PRORP: variants seen among roughly 807,000 people sequenced by gnomAD.
PRORP encodes the protein protein only RNase P catalytic subunit.
PRORP carries 51 observed loss-of-function variants against 59.4 expected under a neutral mutation model. The observed-to-expected ratio is 0.86, with a 90% CI of 0.69 to 1.08. PRORP has a LOEUF of 1.08. Among genes scored for constraint, PRORP ranks in the 50% least tolerant of loss-of-function variants. The pLI, the probability that PRORP is intolerant of heterozygous loss-of-function variation, is 0.00. For synonymous variants in PRORP, 231 were observed against 245.6 expected (o/e 0.94, Z 0.55); for missense variants, 646 against 690.3 (o/e 0.94, Z 0.72).
At chr14:35,231,097 A>G (rs1275240102) in intron 5 of PRORP, among the ~76,000 whole-genome samples, 3 of 152,118 alleles carry the variant, frequency 2.0e-5, no homozygotes, top group African/African-American at 4.8e-5. Flanking sequence ...TTTTTATTGA[A>G]TATCATTTGG....
intron 5 of PRORP, among the ~76,000 whole-genome samples, chr14:35,235,019 C>T (rs2050174046): frequency 1.3e-5 from 2 of 152,060 alleles, no homozygotes; most frequent in Non-Finnish European, 1.5e-5. Flanking sequence ...ATGCTTTAAT[C>T]CTGCAACTTA....
At chr14:35,262,478 A>G in intron 5 of PRORP, 5 of 501,382 alleles carry the variant, frequency 1.0e-5, no homozygotes, top group South Asian at 7.8e-5. Context: ...ATTCTCAGCA[A>G]CCAGACTGTC....
chr14:35,269,357 T>C (rs113834898), intron 6 of PRORP, among the ~76,000 whole-genome samples: 7,423 of 152,302 alleles, frequency 0.049, 263 homozygotes, highest in African/African-American at 0.098. Context: ...TGTTGGAAAG[T>C]GGTCTCACTG....
At chr14:35,211,946 C>G (rs1179366682) in intron 5 of PRORP, among the ~76,000 whole-genome samples, 1 of 152,208 alleles carries the variant, frequency 6.6e-6, no homozygotes, top group Non-Finnish European at 1.5e-5. Context: ...AGTCAATCCT[C>G]TTAAACCCTT....
At chr14:35,186,772 A>T (rs1262316128) in intron 5 of PRORP, among the ~76,000 whole-genome samples, 1 of 151,370 alleles carries the variant, frequency 6.6e-6, no homozygotes, top group Non-Finnish European at 1.5e-5. Flanking sequence ...TATTATTATT[A>T]TTATTATTTT....
intron 2 of PRORP, 28 bp from the exon 3 acceptor site, chr14:35,126,707 A>C: frequency 6.4e-7 from 1 of 1,571,894 alleles, no homozygotes; most frequent in Non-Finnish European, 8.7e-7. Context: ...TAACCTTCTC[A>C]TGATTTGGTT....
At chr14:35,248,770 CTA>C (rs543920059) in intron 5 of PRORP, among the ~76,000 whole-genome samples, 113 of 152,338 alleles carry the variant, frequency 7.4e-4, no homozygotes, top group African/African-American at 2.5e-3. Context: ...CAGTGTCACT[CTA>C]TGTCTGGGAC....
intron 5 of PRORP, among the ~76,000 whole-genome samples, chr14:35,202,706 T>G (rs536299845): frequency 1.1e-3 from 167 of 151,952 alleles, no homozygotes; most frequent in African/African-American, 3.9e-3. Flanking sequence ...TATAGCTCAC[T>G]GCAGCCTTGA....
intron 5 of PRORP, among the ~76,000 whole-genome samples, chr14:35,191,667 CACTCCAGCCTGGACAACAGTCTCA>C (rs2048887071): frequency 6.6e-6 from 1 of 152,162 alleles, no homozygotes; most frequent in African/African-American, 2.4e-5. Context: ...CATGCCACTG[CACTCCAGCCTGGACAACAGTCTCA>C]AAAACCAAAA....
chr14:35,127,490 C>T lies in PRORP; in HGVS notation c.1046C>T (p.Ser349Leu), dbSNP rs200601862. The part of the protein sequence containing the change: ...FTTVRKSGQC[S>L]GCGKTIESIQ... ...AATTATAATTACAGTGGCCAGTGTTCGGGCTGTGGAAAAACCATAGAGTCT... is the reference window on the plus strand; with the variant it reads ...AATTATAATTACAGTGGCCAGTGTTTGGGCTGTGGAAAAACCATAGAGTCT... Residue 349 changes from serine to leucine, a missense_variant, in exon 4 of 8, where the codon TCG becomes TTG. Coordinates refer to ENST00000534898, the MANE Select transcript of PRORP (RefSeq NM_014672.4). 7.0e-5 allele frequency: 112 copies of T among 1,603,156 alleles called. 1 individual carries two copies. The East Asian group carries it at 1.8e-3, about 25-fold the overall frequency.
chr14:35,189,417 G>C (rs920355405), intron 5 of PRORP, among the ~76,000 whole-genome samples: 1 of 143,312 alleles, frequency 7.0e-6, no homozygotes, highest in South Asian at 2.2e-4. Flanking sequence ...TTCAGAAAAA[G>C]AAAAATTCTG....
intron 4 of PRORP, among the ~76,000 whole-genome samples, chr14:35,156,962 T>TTC: frequency 6.7e-6 from 1 of 149,398 alleles, no homozygotes; most frequent in East Asian, 1.9e-4. Context: ...TTCTTTTCTT[T>TTC]TTTTTTTTTT....
chr14:35,202,338 C>T (rs1031812518), intron 5 of PRORP, among the ~76,000 whole-genome samples: 15 of 152,028 alleles, frequency 9.9e-5, no homozygotes, highest in African/African-American at 3.6e-4. Flanking sequence ...AATGCTGTTC[C>T]TGTTTTTTAT....
At chr14:35,211,177 A>G (rs1186307838) in intron 5 of PRORP, among the ~76,000 whole-genome samples, 3 of 152,200 alleles carry the variant, frequency 2.0e-5, no homozygotes, top group Non-Finnish European at 2.9e-5. Flanking sequence ...CTCAGGTACC[A>G]TAGTGGAACT....
intron 4 of PRORP, among the ~76,000 whole-genome samples, chr14:35,146,117 C>T (rs529459790): frequency 2.6e-5 from 4 of 152,196 alleles, no homozygotes; most frequent in South Asian, 4.1e-4. Flanking sequence ...AGGTGTGAGC[C>T]GCCGCACTCA....
chr14:35,247,732 A>G (rs964941375), intron 5 of PRORP, among the ~76,000 whole-genome samples: 13 of 152,228 alleles, frequency 8.5e-5, no homozygotes, highest in African/African-American at 3.1e-4. Flanking sequence ...AAAATAAGTT[A>G]GTTTAATCTT....
intron 5 of PRORP, among the ~76,000 whole-genome samples, chr14:35,250,973 C>T (rs1380657618): frequency 6.6e-6 from 1 of 151,902 alleles, no homozygotes; most frequent in Non-Finnish European, 1.5e-5. Context: ...CACCCATCAC[C>T]CGAGCAGTAT....
Position 35,143,181 on chromosome 14 carries a change from C to T in PRORP, c.1167+15570C>T, listed in dbSNP as rs141922739. On this transcript the variant is annotated intron_variant, in intron 4 of 7. Transcript: ENST00000534898. Reference sequence around the variant, plus strand: ...TTTGTTTTGTTTTAAGCGAGACAGTCTCTCTCTGTTGCTCAGGCTGGAGTG... The same window carrying T: ...TTTGTTTTGTTTTAAGCGAGACAGTTTCTCTCTGTTGCTCAGGCTGGAGTG... 4.8e-5 allele frequency among the ~76,000 whole-genome samples: 7 copies of T among 146,060 alleles called. 2 individuals are homozygous for T. The highest frequency in any genetic ancestry group is 1.7e-4 in the African/African-American group (7 of 41,180).
rs1483519328 is a variant in PRORP at position 35,123,621 on chromosome 14, A to T, written c.376A>T (p.Lys126Ter). The T allele has an allele frequency of 6.2e-7, 1 of 1,614,124 alleles. No individual in the cohort carries two copies. Among genetic ancestry groups the T allele is most frequent in the Non-Finnish European group, 8.5e-7 (1 of 1,180,056 alleles). Residue 126 changes from lysine (K) to a stop codon, truncating the protein, a stop_gained, in exon 2 of 8, where the codon AAA becomes TAA. Transcript: ENST00000534898. LOFTEE classifies it high-confidence loss of function. ...TQPLNSEEWD[K>*]LKEDLKENTG... Reference sequence around the variant, plus strand: ...ACCTTTGAATTCAGAGGAGTGGGATAAACTTAAGGAAGATTTAAAAGAAAA... The same window carrying T: ...ACCTTTGAATTCAGAGGAGTGGGATTAACTTAAGGAAGATTTAAAAGAAAA...
Sources: gnomAD v4.1 joint callset for allele counts (sites outside exome capture counted in the v4.1 genomes callset) on GRCh38, gnomAD v4.1.1 for gene constraint, MANE v1.5 for transcripts, NCBI Gene and HGNC (gene_info 2026-07-23, HGNC 2026-07-21) for gene names.